DLGAP1: variants seen among roughly 807,000 people sequenced by gnomAD.
The protein encoded by DLGAP1 is disks large-associated protein 1.
A neutral mutation model predicts 90.8 loss-of-function variants in DLGAP1; 11 were observed. The observed-to-expected ratio is 0.12, with a 90% CI of 0.08 to 0.20. The LOEUF is 0.20. Among genes scored for constraint, DLGAP1 ranks in the 10% least tolerant of loss-of-function variants. DLGAP1 has a pLI of 1.00. For synonymous variants in DLGAP1, 558 were observed against 540.7 expected (o/e 1.03, Z -0.44); for missense variants, 1,050 against 1,333.8 (o/e 0.79, Z 3.31).
Position 3,772,120 on chromosome 18 carries a change from CTTTCT to C in DLGAP1, c.1173-29613_1173-29609del, listed in dbSNP as rs1555662453. ...TTCTTTCTTTTCTTTTCTTTCCTTT[CTTTCT>C]TTTCTTTTCTTTCTCTCCTTCCTTC... is the stretch of plus-strand genomic sequence containing the variant. On this transcript the variant is annotated intron_variant, in intron 5 of 12. Coordinates refer to ENST00000315677, the MANE Select transcript of DLGAP1 (RefSeq NM_004746.4). Among the ~76,000 whole-genome samples, 320 of 151,064 alleles carry C rather than the reference CTTTCT, an allele frequency of 2.1e-3. 1 individual carries two copies. Among genetic ancestry groups the C allele is most frequent in the African/African-American group, 5.8e-3 (238 of 40,816 alleles).
At chr18:3,961,312 C>T (rs2073192868) in intron 3 of DLGAP1, among the ~76,000 whole-genome samples, 1 of 152,202 alleles carries the variant, frequency 6.6e-6, no homozygotes, top group Non-Finnish European at 1.5e-5. Flanking sequence ...ACTTCAAAAG[C>T]TCCCACCTTT....
At chr18:4,210,269 A>T (rs1251571830) in intron 1 of DLGAP1, among the ~76,000 whole-genome samples, 1 of 152,222 alleles carries the variant, frequency 6.6e-6, no homozygotes, top group Non-Finnish European at 1.5e-5. Context: ...GGTCATTAAA[A>T]GGTGTTGTGT....
chr18:3,596,909 A>G (rs1174937354), intron 7 of DLGAP1: 4 of 520,110 alleles, frequency 7.7e-6, no homozygotes, highest in South Asian at 5.6e-5. Context: ...CTAGCAGGCC[A>G]AATCCTAATC....
intron 1 of DLGAP1, among the ~76,000 whole-genome samples, chr18:4,331,899 T>C (rs978261258): frequency 8.6e-5 from 13 of 151,944 alleles, no homozygotes; most frequent in African/African-American, 3.2e-4. Flanking sequence ...GTTCAATGCA[T>C]ACAAGATGTC....
At chr18:4,328,071 A>G (rs1420004286) in intron 1 of DLGAP1, among the ~76,000 whole-genome samples, 1 of 149,734 alleles carries the variant, frequency 6.7e-6, no homozygotes, top group Non-Finnish European at 1.5e-5. Flanking sequence ...TTTCCAAAAT[A>G]ATTTTCTTTT....
At chr18:4,293,032 A>T (rs2079889563) in intron 1 of DLGAP1, 1 of 152,204 alleles carries the variant, frequency 6.6e-6, no homozygotes, top group South Asian at 2.1e-4. Flanking sequence ...TACAATACGC[A>T]CAGTGTTCCA....
At chr18:4,314,058 G>A (rs547268076) in intron 1 of DLGAP1, among the ~76,000 whole-genome samples, 122 of 152,128 alleles carry the variant, frequency 8.0e-4, no homozygotes, top group Non-Finnish European at 1.6e-3. Flanking sequence ...AGAGAGGAGA[G>A]GCATCTTTGT....
chr18:3,726,277 A>G (rs1369483904), intron 7 of DLGAP1, among the ~76,000 whole-genome samples: 1 of 152,216 alleles, frequency 6.6e-6, no homozygotes, highest in Non-Finnish European at 1.5e-5. Flanking sequence ...ATTTTCATAG[A>G]TGAGTGTATT....
intron 7 of DLGAP1, chr18:3,655,861 A>G: frequency 2.1e-6 from 1 of 474,914 alleles, no homozygotes; most frequent in Non-Finnish European, 3.7e-6. Context: ...AGAAACAGAC[A>G]TGTTGGTGCT....
chr18:4,090,160 G>A (rs1568390444), intron 2 of DLGAP1, among the ~76,000 whole-genome samples: 1 of 152,072 alleles, frequency 6.6e-6, no homozygotes, highest in Admixed American at 6.6e-5. Context: ...GAAAATGTAG[G>A]CAATACTATT....
At chr18:4,039,767 AT>A (rs1203075028) in intron 2 of DLGAP1, among the ~76,000 whole-genome samples, 5 of 152,386 alleles carry the variant, frequency 3.3e-5, no homozygotes, top group Non-Finnish European at 7.3e-5. Flanking sequence ...AAAAGCAGTG[AT>A]AAAACAATTA....
chr18:4,408,662 A>C (rs2144590637), intron 1 of DLGAP1, among the ~76,000 whole-genome samples: 1 of 152,286 alleles, frequency 6.6e-6, no homozygotes, highest in East Asian at 1.9e-4. Flanking sequence ...AAAATGTACA[A>C]AATTAATAAT....
intron 4 of DLGAP1, among the ~76,000 whole-genome samples, chr18:3,827,613 C>T (rs953455458): frequency 1.6e-4 from 25 of 152,192 alleles, no homozygotes; most frequent in African/African-American, 5.6e-4. Context: ...CTCTCTACAG[C>T]AGTGGCTTTT....
chr18:3,860,628 T>A (rs116685171), intron 4 of DLGAP1, among the ~76,000 whole-genome samples: 1,620 of 152,284 alleles, frequency 0.011, 25 homozygotes, highest in African/African-American at 0.035. Flanking sequence ...GCCTCACTAA[T>A]TTACCATCTA....
intron 3 of DLGAP1, among the ~76,000 whole-genome samples, chr18:3,892,639 A>C (rs913309108): frequency 6.6e-6 from 1 of 152,302 alleles, no homozygotes; most frequent in South Asian, 2.1e-4. Context: ...ACAAGTCAGA[A>C]TCTAATCAAG....
At chr18:4,082,290 C>T (rs1031628770) in intron 2 of DLGAP1, among the ~76,000 whole-genome samples, 6 of 139,698 alleles carry the variant, frequency 4.3e-5, no homozygotes, top group Admixed American at 3.1e-4. Flanking sequence ...TGCAGTGAGC[C>T]GAGATTGCAC....
intron 1 of DLGAP1, among the ~76,000 whole-genome samples, chr18:4,281,542 G>A (rs976031886): frequency 6.6e-6 from 1 of 152,130 alleles, no homozygotes; most frequent in South Asian, 2.1e-4. Flanking sequence ...AAACGAGAGC[G>A]AAACTCCATC....
At chr18:3,637,015 G>T (rs558076994) in intron 7 of DLGAP1, among the ~76,000 whole-genome samples, 1 of 152,152 alleles carries the variant, frequency 6.6e-6, no homozygotes, top group South Asian at 2.1e-4. Flanking sequence ...TAGCCACTGC[G>T]CCCGGCCACT....
chr18:4,347,328 A>C (rs994914141), intron 1 of DLGAP1, among the ~76,000 whole-genome samples: 1 of 152,120 alleles, frequency 6.6e-6, no homozygotes, highest in Non-Finnish European at 1.5e-5. Flanking sequence ...GAAATGAAAG[A>C]GACAATGTTT....
Sources: gnomAD v4.1 joint callset for allele counts (sites outside exome capture counted in the v4.1 genomes callset) on GRCh38, gnomAD v4.1.1 for gene constraint, MANE v1.5 for transcripts, NCBI Gene and HGNC (gene_info 2026-07-23, HGNC 2026-07-21) for gene names.